Variants in EYA4 observed in about 807,000 individuals in gnomAD.
EYA4 encodes EYA transcriptional coactivator and phosphatase 4, also known as protein phosphatase EYA4.
EYA4 carries 31 observed loss-of-function variants against 87.9 expected under a neutral mutation model. The observed-to-expected ratio is 0.35, with a 90% CI of 0.27 to 0.48. The LOEUF (loss-of-function observed/expected upper bound fraction) is 0.48, where lower values mean the gene tolerates loss of function less well. EYA4 is among the 20% of genes least tolerant of loss of function. The probability of loss-of-function intolerance (pLI) is 0.99; values close to 1 mark genes in which losing one functional copy is unlikely to be tolerated. For missense variants in EYA4, 678 were observed against 761.4 expected, an observed-to-expected ratio of 0.89 and a Z score of 1.29; for synonymous variants, 263 against 270.6, an observed-to-expected ratio of 0.97 and a Z score of 0.28.
chr6:133,378,926 GGT>G (rs10681162), intron 2 of EYA4, among the ~76,000 whole-genome samples: 4,782 of 141,686 alleles, frequency 0.034, 90 homozygotes, highest in African/African-American at 0.053. Flanking sequence ...TTTCTGTCTT[GGT>G]GTGTGTGTGT....
chr6:133,249,133 T>C (rs563792802), intron 1 of EYA4, among the ~76,000 whole-genome samples: 69 of 152,198 alleles, frequency 4.5e-4, no homozygotes, highest in Non-Finnish European at 8.2e-4. Flanking sequence ...ATTTCTTTTC[T>C]ACTCTGCATG....
At chr6:133,387,339 G>C (rs1048576473) in intron 3 of EYA4, among the ~76,000 whole-genome samples, 1 of 152,138 alleles carries the variant, frequency 6.6e-6, no homozygotes, top group African/African-American at 2.4e-5. Flanking sequence ...GAAAGCTGAG[G>C]GCTCCTTTGT....
chr6:133,249,525 C>G (rs546652268), intron 1 of EYA4, among the ~76,000 whole-genome samples: 114 of 152,254 alleles, frequency 7.5e-4, no homozygotes, highest in African/African-American at 2.6e-3. Flanking sequence ...GGGAAGATAA[C>G]CCTTCATACT....
chr6:133,403,904 G>A (rs568820710), intron 3 of EYA4, among the ~76,000 whole-genome samples: 2 of 152,274 alleles, frequency 1.3e-5, no homozygotes, highest in East Asian at 3.9e-4. Context: ...TCTGCCCCCA[G>A]AGTTCAAGCA....
intron 3 of EYA4, among the ~76,000 whole-genome samples, chr6:133,428,129 G>A (rs991986538): frequency 6.6e-6 from 1 of 152,188 alleles, no homozygotes; most frequent in East Asian, 1.9e-4. Flanking sequence ...GGGGTTGGTT[G>A]TGGACATATG....
intron 19 of EYA4, 43 bp from the exon 20 acceptor site, chr6:133,528,682 C>G: frequency 8.2e-6 from 11 of 1,335,924 alleles, no homozygotes; most frequent in Non-Finnish European, 1.1e-5. Context: ...TGCCTCATTC[C>G]TTCCCCTTCT....
At chr6:133,254,594 A>G (rs1254305473) in intron 1 of EYA4, among the ~76,000 whole-genome samples, 1 of 152,214 alleles carries the variant, frequency 6.6e-6, no homozygotes, top group East Asian at 1.9e-4. Context: ...CATTAAATTA[A>G]GATTATTGTT....
At chr6:133,362,683 T>C (rs1784542253) in intron 2 of EYA4, among the ~76,000 whole-genome samples, 1 of 152,308 alleles carries the variant, frequency 6.6e-6, no homozygotes, top group African/African-American at 2.4e-5. Flanking sequence ...GTGTCTGTAA[T>C]GATCTTGCTG....
rs1197860112 is a variant in EYA4 at position 133,525,235 on chromosome 6, A to T, written c.1820A>T (p.Glu607Val). 1 of 1,613,574 alleles carries T rather than the reference A, an allele frequency of 6.2e-7. No homozygotes were observed. The highest frequency in any genetic ancestry group is 8.5e-7 in the Non-Finnish European group (1 of 1,179,650). Residue 607 changes from glutamate (E) to valine (V), a missense_variant, in exon 19 of 20, where the codon GAA (glutamate) becomes GTA (valine). Physicochemically the swap from Glu to Val is moderately radical, Grantham distance 121. Transcript: ENST00000355286. ...VYVVIGDGVE[E>V]EQAAKKHNMP... ...GTTGTAATTGGGGATGGTGTAGAAG[A>T]AGAACAGGCAGCAAAAAAGGTAACC...
intron 2 of EYA4, among the ~76,000 whole-genome samples, chr6:133,301,838 A>C: frequency 6.6e-6 from 1 of 152,180 alleles, no homozygotes; most frequent in East Asian, 1.9e-4. Flanking sequence ...TTGAAGGAGG[A>C]AGCGCTGGGC....
chr6:133,294,164 C>T (rs951862754), intron 2 of EYA4, among the ~76,000 whole-genome samples: 2 of 148,638 alleles, frequency 1.3e-5, no homozygotes, highest in African/African-American at 2.5e-5. Flanking sequence ...ATCATCATCT[C>T]AACTAGGCAG....
intron 3 of EYA4, among the ~76,000 whole-genome samples, chr6:133,402,104 A>G (rs1450191119): frequency 6.6e-6 from 1 of 152,152 alleles, no homozygotes; most frequent in Non-Finnish European, 1.5e-5. Flanking sequence ...AGATCATTTC[A>G]GCAAAAACCC....
At chr6:133,413,277 C>T (rs1233595948) in intron 3 of EYA4, among the ~76,000 whole-genome samples, 1 of 152,132 alleles carries the variant, frequency 6.6e-6, no homozygotes, top group Non-Finnish European at 1.5e-5. Flanking sequence ...CTTCATAGTT[C>T]CACATTTGAA....
intron 1 of EYA4, among the ~76,000 whole-genome samples, chr6:133,252,716 TAA>T (rs1408146174): frequency 6.6e-6 from 1 of 152,162 alleles, no homozygotes; most frequent in Admixed American, 6.6e-5. Flanking sequence ...ATTAATATTA[TAA>T]ATATATGATT....
chr6:133,243,564 T>C (rs1029136809), intron 1 of EYA4, among the ~76,000 whole-genome samples: 1 of 151,974 alleles, frequency 6.6e-6, no homozygotes, highest in Non-Finnish European at 1.5e-5. Flanking sequence ...TTTTTGTTTG[T>C]TGCGTTGTTT....
chr6:133,459,881 A>G (rs1794226715), intron 6 of EYA4, among the ~76,000 whole-genome samples: 1 of 152,166 alleles, frequency 6.6e-6, no homozygotes, highest in African/African-American at 2.4e-5. Context: ...AAATTGACTG[A>G]TAATATTCTT....
chr6:133,323,175 A>C (rs1781230739), intron 2 of EYA4, among the ~76,000 whole-genome samples: 1 of 151,926 alleles, frequency 6.6e-6, no homozygotes, highest in Non-Finnish European at 1.5e-5. Context: ...TATTTCCCCA[A>C]GCCAACATAA....
At chr6:133,287,844 A>T (rs1248444320) in intron 2 of EYA4, among the ~76,000 whole-genome samples, 1 of 152,166 alleles carries the variant, frequency 6.6e-6, no homozygotes, top group African/African-American at 2.4e-5. Flanking sequence ...CGAAAGGCTT[A>T]AACCAAGTGG....
intron 3 of EYA4, among the ~76,000 whole-genome samples, chr6:133,395,917 A>G (rs1215082378): frequency 6.6e-6 from 1 of 152,208 alleles, no homozygotes; most frequent in East Asian, 1.9e-4. Context: ...TGTTTGCATG[A>G]TGAATTTAAT....
Sources: allele counts gnomAD v4.1 joint callset (sites outside exome capture counted in the v4.1 genomes callset), GRCh38; gene constraint gnomAD v4.1.1; transcripts MANE v1.5; gene names NCBI Gene and HGNC (gene_info 2026-07-23, HGNC 2026-07-21).